The following ANLN variants were observed in gnomAD, a reference collection of about 807,000 sequenced individuals.
The protein encoded by ANLN is anillin.
Under a neutral mutation model 135.1 loss-of-function variants are expected in ANLN, and 59 were observed. The observed-to-expected ratio is 0.44, with a 90% CI of 0.35 to 0.54. ANLN has a LOEUF of 0.54. ANLN is among the 20% of genes least tolerant of loss of function. ANLN has a pLI of 0.00. For synonymous variants in ANLN, 406 were observed against 456.4 expected, an observed-to-expected ratio of 0.89 and a Z score of 1.41; for missense variants, 1,182 against 1,340.0, an observed-to-expected ratio of 0.88 and a Z score of 1.84.
intron 5 of ANLN, 62 bp from the exon 6 acceptor site, chr7:36,410,452 C>G (rs1440439533): frequency 7.1e-7 from 1 of 1,408,690 alleles, no homozygotes; most frequent in Non-Finnish European, 9.4e-7. Context: ...GAACTTTTTC[C>G]ATAGAAATCG....
In ANLN at chr7:36,418,101, A is replaced by G. The variant is rs569139676; in HGVS notation, c.1633+911A>G. On this transcript the variant is annotated intron_variant, in intron 9 of 23. Transcript: ENST00000265748. ...CGTTTACTGCTTTATTTTAAAGGAT[A>G]TGGGTGAGGTATACGGAAAGGGGCA... Among the ~76,000 whole-genome samples, 4 of 152,276 alleles carry G rather than the reference A, an allele frequency of 2.6e-5. No homozygotes were observed. The East Asian group carries it at 7.7e-4, about 29-fold the overall frequency.
At chr7:36,391,056 TATTA>T (rs1786431551) in intron 1 of ANLN, among the ~76,000 whole-genome samples, 1 of 152,220 alleles carries the variant, frequency 6.6e-6, no homozygotes, top group Non-Finnish European at 1.5e-5. Context: ...ATGTATGAGA[TATTA>T]ATTACAGATT....
At chr7:36,415,911 T>C in intron 8 of ANLN, 27 bp downstream of exon 8, 1 of 1,533,872 alleles carries the variant, frequency 6.5e-7, no homozygotes, top group South Asian at 1.3e-5. Context: ...TGTTCATGGT[T>C]AGTATGTAGA....
chr7:36,410,782 C>T, intron 6 of ANLN, 78 bp downstream of exon 6: 1 of 1,402,794 alleles, frequency 7.1e-7, no homozygotes. Context: ...GTTCTGATGC[C>T]AGTCTTTTTG....
At chr7:36,427,851 C>A (rs770090239) in intron 20 of ANLN, among the ~76,000 whole-genome samples, 2 of 151,978 alleles carry the variant, frequency 1.3e-5, no homozygotes, top group Non-Finnish European at 2.9e-5. Flanking sequence ...TTCACCAAGA[C>A]TATTTTAAGG....
intron 19 of ANLN, 90 bp downstream of exon 19, chr7:36,426,126 G>A: frequency 1.1e-6 from 1 of 937,290 alleles, no homozygotes; most frequent in Non-Finnish European, 1.5e-6. Context: ...ATCTTGATTT[G>A]TGAATGTTTA....
intron 20 of ANLN, among the ~76,000 whole-genome samples, chr7:36,429,177 T>C (rs1404156982): frequency 2.0e-5 from 3 of 152,148 alleles, no homozygotes; most frequent in Non-Finnish European, 4.4e-5. Context: ...CATTTAGCAC[T>C]GAAATTATAC....
At chr7:36,391,158 A>G (rs761340174) in intron 1 of ANLN, among the ~76,000 whole-genome samples, 1 of 152,120 alleles carries the variant, frequency 6.6e-6, no homozygotes, top group East Asian at 1.9e-4. Flanking sequence ...AAATACATCA[A>G]TTTTTTTCAC....
chr7:36,420,776 T>A, intron 12 of ANLN, 32 bp downstream of exon 12: 1 of 1,611,134 alleles, frequency 6.2e-7, no homozygotes, highest in East Asian at 2.2e-5. Context: ...GGCTTTGGAA[T>A]GTTTCTTGCA....
At chr7:36,430,640 A>C (rs1583639341) in intron 20 of ANLN, among the ~76,000 whole-genome samples, 1 of 152,320 alleles carries the variant, frequency 6.6e-6, no homozygotes, top group East Asian at 1.9e-4. Context: ...TTTTGAAGTA[A>C]AACAACCAAT....
At chr7:36,391,279 GTATT>G (rs1583583621) in intron 1 of ANLN, among the ~76,000 whole-genome samples, 1 of 152,180 alleles carries the variant, frequency 6.6e-6, no homozygotes, top group Non-Finnish European at 1.5e-5. Flanking sequence ...CGAAAAGCGT[GTATT>G]TATTTTATCT....
At chr7:36,434,378 A>G (rs1215772536) in intron 20 of ANLN, among the ~76,000 whole-genome samples, 1 of 152,068 alleles carries the variant, frequency 6.6e-6, no homozygotes, top group African/African-American at 2.4e-5. Flanking sequence ...TGTTGGGGAG[A>G]ATTGGCAGGT....
chr7:36,427,865 A>G (rs6462675), intron 20 of ANLN, among the ~76,000 whole-genome samples: 152,285 of 152,326 alleles, frequency 1, 76,122 homozygotes, highest in Middle Eastern at 1. Flanking sequence ...TTTAAGGAGT[A>G]AGACAACTAG....
At position 36,443,792 on chromosome 7, in the gene ANLN, A is replaced by G. The variant is rs368604587; in HGVS notation, c.3008A>G (p.His1003Arg). The G allele has an allele frequency of 1.2e-6, 2 of 1,613,042 alleles. No individual in the cohort carries two copies. The highest frequency in any genetic ancestry group is 1.7e-6 in the Non-Finnish European group (2 of 1,179,448). The change falls in exon 22 of 24, where the codon CAT (histidine) becomes CGT (arginine). Residue 1003 changes from histidine (H) to arginine (R), a missense_variant. Physicochemically the swap from His to Arg is conservative, Grantham distance 29. This residue lies in a region of ANLN where 82 missense variants were observed against 133.3 expected (regional missense o/e 0.62). Coordinates refer to ENST00000265748, the MANE Select transcript of ANLN (RefSeq NM_018685.5). ...FEDVSGFGAW[H>R]RRWCVLSGNC... ...GATGTTAGTGGTTTTGGTGCCTGGC[A>G]TCGAAGATGGTGTGTTCTTTCTGGA...
chr7:36,431,595 G>A (rs868268781), intron 20 of ANLN, among the ~76,000 whole-genome samples: 688 of 20,716 alleles, frequency 0.033, 5 homozygotes, highest in Admixed American at 0.075. Flanking sequence ...GTGTGTGTGT[G>A]TGTATATATA....
chr7:36,407,300 C>T (rs1787229177), intron 4 of ANLN, among the ~76,000 whole-genome samples: 2 of 152,108 alleles, frequency 1.3e-5, no homozygotes, highest in Admixed American at 6.5e-5. Flanking sequence ...AAGCACTTAG[C>T]ATAGTACCTG....
Position 36,410,355 on chromosome 7 carries a change from T to C in ANLN, c.1097-159T>C, listed in dbSNP as rs149671169. 6.0e-3 allele frequency among the ~76,000 whole-genome samples: 915 copies of C among 152,306 alleles called. 3 individuals are homozygous for C. The highest frequency in any genetic ancestry group is 0.027 in the South Asian group (132 of 4,822). On this transcript the variant is annotated intron_variant, in intron 5 of 23. Transcript: ENST00000265748. ...GTACTTAAATAGAATAGTAAACTTT[T>C]TAAAATTTTGAAGTATTTTTATAGT...
intron 1 of ANLN, among the ~76,000 whole-genome samples, chr7:36,394,040 T>C (rs1786590672): frequency 2.0e-5 from 3 of 152,114 alleles, no homozygotes; most frequent in South Asian, 2.1e-4. Context: ...ACTGCAGCCT[T>C]GAACTCCTGG....
intron 7 of ANLN, among the ~76,000 whole-genome samples, chr7:36,415,471 T>C (rs1474436692): frequency 6.6e-6 from 1 of 152,088 alleles, no homozygotes; most frequent in Non-Finnish European, 1.5e-5. Context: ...GCTTTCACTT[T>C]GATTGGCTTA....
Sources: gnomAD v4.1 joint callset for allele counts (sites outside exome capture counted in the v4.1 genomes callset) on GRCh38, gnomAD v4.1.1 for gene constraint, gnomAD v4.1.1 regional missense constraint, MANE v1.5 for transcripts, NCBI Gene and HGNC (gene_info 2026-07-23, HGNC 2026-07-21) for gene names.